The following SGCZ variants were observed in gnomAD, a reference collection of about 807,000 sequenced individuals.
SGCZ encodes zeta-sarcoglycan.
In SGCZ, 40 loss-of-function variants were observed where a neutral mutation model predicts 41.3. The ratio of observed to expected loss-of-function variants is 0.97; its 90% CI spans 0.75 to 1.26. The LOEUF (loss-of-function observed/expected upper bound fraction) is 1.26, where lower values mean the gene tolerates loss of function less well. SGCZ is among the 50% of genes most tolerant of loss of function. The probability of loss-of-function intolerance (pLI) is 0.00; values close to 1 mark genes in which losing one functional copy is unlikely to be tolerated. For synonymous variants in SGCZ, 206 were observed against 137.5 expected, an observed-to-expected ratio of 1.50 and a Z score of -3.49; for missense variants, 552 against 369.8, an observed-to-expected ratio of 1.49 and a Z score of -4.04.
At chr8:14,201,748 A>G in intron 4 of SGCZ, among the ~76,000 whole-genome samples, 1 of 152,156 alleles carries the variant, frequency 6.6e-6, no homozygotes, top group East Asian at 1.9e-4. Flanking sequence ...TCTATACTGA[A>G]GTAGGAAAAT....
chr8:14,865,655 G>C (rs1243418027), intron 1 of SGCZ, among the ~76,000 whole-genome samples: 3 of 152,016 alleles, frequency 2.0e-5, no homozygotes, highest in African/African-American at 7.2e-5. Context: ...TTACATAAGG[G>C]GCCAGGCCAA....
At chr8:14,675,783 A>G (rs536350416) in intron 1 of SGCZ, among the ~76,000 whole-genome samples, 3 of 152,322 alleles carry the variant, frequency 2.0e-5, no homozygotes, top group African/African-American at 7.2e-5. Flanking sequence ...TAACACTGAT[A>G]TCAAAGATAA....
intron 1 of SGCZ, among the ~76,000 whole-genome samples, chr8:15,158,219 C>T (rs909248585): frequency 6.6e-6 from 1 of 151,854 alleles, no homozygotes; most frequent in African/African-American, 2.4e-5. Context: ...GAATCCCTTT[C>T]CTCCTCCATA....
intron 2 of SGCZ, among the ~76,000 whole-genome samples, chr8:14,417,837 A>T (rs1314324803): frequency 6.6e-6 from 1 of 151,908 alleles, no homozygotes. Context: ...ATACAACTTA[A>T]ATATATATAA....
chr8:14,287,292 C>A (rs1800675340), intron 3 of SGCZ, among the ~76,000 whole-genome samples: 1 of 151,712 alleles, frequency 6.6e-6, no homozygotes, highest in Admixed American at 6.6e-5. Context: ...AAAGGTGGGT[C>A]ATTTCAATGT....
intron 2 of SGCZ, among the ~76,000 whole-genome samples, chr8:14,402,946 T>C (rs1292962003): frequency 6.9e-6 from 1 of 145,980 alleles, no homozygotes; most frequent in South Asian, 2.1e-4. Context: ...CCATTTGTTT[T>C]TATCCTCTTT....
chr8:15,123,075 G>C (rs189835301), intron 1 of SGCZ, among the ~76,000 whole-genome samples: 1 of 152,216 alleles, frequency 6.6e-6, no homozygotes, highest in African/African-American at 2.4e-5. Context: ...TCTGTAACTA[G>C]AAAATCCCAT....
intron 1 of SGCZ, among the ~76,000 whole-genome samples, chr8:15,043,731 T>A (rs1205956191): frequency 6.6e-6 from 1 of 152,092 alleles, no homozygotes; most frequent in Non-Finnish European, 1.5e-5. Flanking sequence ...TTTAGAATAA[T>A]CACAAGATAA....
chr8:15,078,358 C>G (rs73522884), intron 1 of SGCZ, among the ~76,000 whole-genome samples: 6,631 of 151,640 alleles, frequency 0.044, 483 homozygotes, highest in African/African-American at 0.15. Flanking sequence ...CACTCTCCCT[C>G]TCTCTCCATA....
At chr8:14,888,222 A>T (rs1804882011) in intron 1 of SGCZ, among the ~76,000 whole-genome samples, 1 of 152,212 alleles carries the variant, frequency 6.6e-6, no homozygotes, top group Admixed American at 6.5e-5. Flanking sequence ...TCCTTAAATG[A>T]CAAAAGATGG....
intron 3 of SGCZ, among the ~76,000 whole-genome samples, chr8:14,317,778 A>C (rs1801766441): frequency 6.6e-6 from 1 of 151,890 alleles, no homozygotes; most frequent in African/African-American, 2.4e-5. Context: ...CATGGCAAAA[A>C]CTGCAATTGC....
intron 1 of SGCZ, among the ~76,000 whole-genome samples, chr8:15,160,204 G>T (rs1799468885): frequency 6.6e-6 from 1 of 152,158 alleles, no homozygotes; most frequent in Non-Finnish European, 1.5e-5. Flanking sequence ...TCTCAGGGAA[G>T]TGCAATAACA....
chr8:14,769,878 C>A (rs1223237563), intron 1 of SGCZ, among the ~76,000 whole-genome samples: 1 of 140,478 alleles, frequency 7.1e-6, no homozygotes, highest in Non-Finnish European at 1.5e-5. Flanking sequence ...GAATTTATTT[C>A]TACAAGGTGC....
In SGCZ at chr8:14,087,816, G is replaced by A. The variant is rs1246482802; in HGVS notation, c.*2627C>T. Among the ~76,000 whole-genome samples, 1 of 151,682 alleles carries A rather than the reference G, an allele frequency of 6.6e-6. No homozygotes were observed. Among genetic ancestry groups the A allele is most frequent in the Non-Finnish European group, 1.5e-5 (1 of 67,754 alleles). On this transcript the variant is annotated 3_prime_UTR_variant, in exon 8 of 8. Coordinates refer to ENST00000382080, the MANE Select transcript of SGCZ (RefSeq NM_139167.4). ...ATAGGCTTGATCTCTCTGAGGCAGG[G>A]ATCTTGGCTTAGATTCAGAAATCTG...
At chr8:14,966,498 T>C (rs1425909397) in intron 1 of SGCZ, among the ~76,000 whole-genome samples, 1 of 152,070 alleles carries the variant, frequency 6.6e-6, no homozygotes, top group East Asian at 1.9e-4. Context: ...TTCAAATTTT[T>C]ACAAAGTCCA....
chr8:14,896,437 T>TTTTATTTA lies in SGCZ; in HGVS notation c.39+341140_39+341147dup, dbSNP rs376530633. On this transcript the variant is annotated intron_variant, in intron 1 of 7. Transcript: ENST00000382080. Reference sequence around the variant, plus strand: ...TTCATGTTGACTCATGATGGAAGACTTTTATTTATTTATTTATTTATTTAT... The same window carrying TTTTATTTA: ...TTCATGTTGACTCATGATGGAAGACTTTTATTTATTTATTTATTTATTTATTTATTTAT... Among the ~76,000 whole-genome samples, 748 of 151,412 alleles carry TTTTATTTA rather than the reference T, an allele frequency of 4.9e-3. 9 individuals carry two copies. The highest frequency in any genetic ancestry group is 0.017 in the African/African-American group (699 of 40,982).
chr8:15,138,371 C>A (rs1322805071), intron 1 of SGCZ, among the ~76,000 whole-genome samples: 2 of 151,950 alleles, frequency 1.3e-5, no homozygotes, highest in Non-Finnish European at 2.9e-5. Flanking sequence ...CTTTAGGGGA[C>A]TGTTGGGAGG....
At chr8:15,100,582 T>C (rs1013792412) in intron 1 of SGCZ, among the ~76,000 whole-genome samples, 5 of 152,194 alleles carry the variant, frequency 3.3e-5, no homozygotes, top group African/African-American at 1.2e-4. Context: ...GATTATTTTG[T>C]AGACATTAAC....
intron 1 of SGCZ, among the ~76,000 whole-genome samples, chr8:14,597,679 G>C (rs936396911): frequency 1.3e-5 from 2 of 152,074 alleles, no homozygotes; most frequent in African/African-American, 4.8e-5. Context: ...GTTTTACCAT[G>C]TTGGCCAGGC....
Sources: gnomAD v4.1 joint callset for allele counts (sites outside exome capture counted in the v4.1 genomes callset) on GRCh38, gnomAD v4.1.1 for gene constraint, MANE v1.5 for transcripts, NCBI Gene and HGNC (gene_info 2026-07-23, HGNC 2026-07-21) for gene names.